The following KIF7 variants were observed in gnomAD, a reference collection of about 807,000 sequenced individuals.
KIF7 encodes kinesin family member 7.
Under a neutral mutation model 135.7 loss-of-function variants are expected in KIF7, and 104 were observed. That is an observed-to-expected ratio of 0.77 (90% CI 0.65 to 0.90). KIF7 has a LOEUF of 0.90. Among genes scored for constraint, KIF7 ranks in the 40% least tolerant of loss-of-function variants. The pLI is 0.00. For missense variants in KIF7, 2,005 were observed against 1,839.1 expected (o/e 1.09, Z -1.65); for synonymous variants, 883 against 809.4 (o/e 1.09, Z -1.54).
downstream of KIF7, chr15:89,625,729 C>T: frequency 1.9e-6 from 3 of 1,613,174 alleles, no homozygotes; most frequent in South Asian, 2.2e-5. Context: ...AGAGGGGTCT[C>T]CAAGTTGGAG....
intron 11 of KIF7, among the ~76,000 whole-genome samples, chr15:89,641,309 C>CT (rs1281100908): frequency 1.3e-5 from 2 of 152,150 alleles, no homozygotes; most frequent in Non-Finnish European, 2.9e-5. Flanking sequence ...GAAACCAGAC[C>CT]TGTAGACACC....
At chr15:89,661,724 CTTT>C in the KIF7 span, among the ~76,000 whole-genome samples, 2 of 145,954 alleles carry the variant, frequency 1.4e-5, no homozygotes, top group East Asian at 4.0e-4. Context: ...TTGTAACTAA[CTTT>C]TTTTTTTTTT....
chr15:89,647,768 C>G, intron 5 of KIF7, 56 bp from the exon 6 acceptor site: 1 of 1,302,756 alleles, frequency 7.7e-7, no homozygotes, highest in Non-Finnish European at 1.1e-6. Context: ...GAGCTGGACA[C>G]CCGGCCTCTT....
rs1017678249 is a variant in KIF7 at position 89,647,167 on chromosome 15, G to A, written c.1561-110C>T. On this transcript the variant is annotated intron_variant, in intron 6 of 18. Transcript: ENST00000394412. Reference sequence around the variant, plus strand: ...ACTCCACCGTCTCTGGGCTGAAAATGAGGAGTGTCAAATACTCCTCTCCTC... The same window carrying A: ...ACTCCACCGTCTCTGGGCTGAAAATAAGGAGTGTCAAATACTCCTCTCCTC... 1.1e-5 allele frequency: 11 copies of A among 956,632 alleles called. No individual in the cohort carries two copies. The African/African-American group carries it at 1.8e-4, about 15-fold the overall frequency. 59.3% of individuals were successfully genotyped at this position (956,632 alleles called of 1,614,324 possible).
chr15:89,649,841 CACATGT>C lies in KIF7; in HGVS notation c.423_428del (p.His142_Val143del), dbSNP rs1555425036. 6.4e-7 allele frequency: 1 copy of C among 1,551,814 alleles called. No homozygotes were observed. The highest frequency in any genetic ancestry group is 8.7e-7 in the Non-Finnish European group (1 of 1,147,010). ...CCTCCTTGTACACTTCCAGGTAGGA[CACATGT>C]ACCAGACAGTCAAGCAGGTCGTTCT... On this transcript the variant is annotated inframe_deletion, in exon 3 of 19. Coordinates refer to ENST00000394412, the MANE Select transcript of KIF7 (RefSeq NM_198525.3).
At chr15:89,635,024 C>A (rs1471726003) in intron 11 of KIF7, among the ~76,000 whole-genome samples, 2 of 152,212 alleles carry the variant, frequency 1.3e-5, no homozygotes, top group African/African-American at 2.4e-5. Flanking sequence ...TGACCCCTGA[C>A]CTCCGAGCAG....
chr15:89,620,628 C>A (rs1963407962), intron 1 of KIF7, among the ~76,000 whole-genome samples: 1 of 144,696 alleles, frequency 6.9e-6, no homozygotes. Flanking sequence ...GTTGTAGTTG[C>A]TGACATAAAT....
chr15:89,621,522 T>G, intron 1 of KIF7: 1 of 1,613,648 alleles, frequency 6.2e-7, no homozygotes, highest in Non-Finnish European at 8.5e-7. Context: ...AGAAACACTT[T>G]GGATTCGGAG....
chr15:89,642,134 G>C lies in KIF7; in HGVS notation c.2394+69C>G, dbSNP rs1030331026. ...TTGGGCCTCAGAGCCCACATGTCCTGGTCCCAAGGATGGCAGCCTAGGAGG... is the reference window on the plus strand; with the variant it reads ...TTGGGCCTCAGAGCCCACATGTCCTCGTCCCAAGGATGGCAGCCTAGGAGG... On this transcript the variant is annotated intron_variant, in intron 11 of 18. Transcript: ENST00000394412. 22 of 1,509,008 alleles carry C rather than the reference G, an allele frequency of 1.5e-5. No homozygotes were observed. In the African/African-American group the frequency reaches 2.7e-4, roughly 19 times the overall value. 93.5% of individuals were successfully genotyped at this position (1,509,008 alleles called of 1,614,324 possible).
At chr15:89,621,562 C>T (rs1963426116) in intron 1 of KIF7, 2 of 1,600,988 alleles carry the variant, frequency 1.2e-6, no homozygotes, top group East Asian at 4.5e-5. Flanking sequence ...TATAATGTTT[C>T]TGTAATGTTT....
At chr15:89,632,744 C>G in intron 14 of KIF7, 76 bp downstream of exon 14, 4 of 1,503,474 alleles carry the variant, frequency 2.7e-6, no homozygotes, top group Non-Finnish European at 3.6e-6. Context: ...CAGGAGCTCA[C>G]CTGGCAAGAT....
rs144168106 is a variant in KIF7 at position 89,622,326 on chromosome 15, T to G, written c.181-4131A>C. 7.9e-3 allele frequency among the ~76,000 whole-genome samples: 1,208 copies of G among 152,178 alleles called. 17 individuals are homozygous for G. The highest frequency in any genetic ancestry group is 0.028 in the African/African-American group (1,147 of 41,512). ...GTACCCACCCCCTCTTCTCCCCTAC[T>G]GCAATTCCTACCCTAGTTCAGGTCT... is the stretch of plus-strand genomic sequence containing the variant. On this transcript the variant is annotated intron_variant and NMD_transcript_variant, in intron 1 of 2. Coordinates refer to the KIF7 transcript ENST00000558928.
upstream of KIF7, among the ~76,000 whole-genome samples, chr15:89,658,822 C>G (rs1596034827): frequency 1.3e-5 from 2 of 151,794 alleles, no homozygotes; most frequent in Admixed American, 1.3e-4. Flanking sequence ...TGTGATGGCG[C>G]CACTGCACTC....
chr15:89,657,328 A>AG (rs1555425512), upstream of KIF7, among the ~76,000 whole-genome samples: 22 of 127,960 alleles, frequency 1.7e-4, no homozygotes, highest in East Asian at 4.2e-4. Flanking sequence ...AAAAAAAAAA[A>AG]AGAGAGAGAG....
At chr15:89,629,192 TG>T in intron 17 of KIF7, 70 bp from the exon 18 acceptor site, 2 of 50,746 alleles carry the variant, frequency 3.9e-5, no homozygotes, top group Non-Finnish European at 7.9e-5. Flanking sequence ...GCTGTGGGGG[TG>T]GGGGCTGTGG....
At chr15:89,646,212 C>T (rs1011127318) in intron 7 of KIF7, among the ~76,000 whole-genome samples, 186 bp from the exon 8 acceptor site, 1 of 152,136 alleles carries the variant, frequency 6.6e-6, no homozygotes, top group African/African-American at 2.4e-5. Flanking sequence ...CCTCCCCTCC[C>T]GCCTGCTTTG....
At position 89,628,368 on chromosome 15, in the gene KIF7, C is replaced by T. The variant is rs567444998; in HGVS notation, c.*51G>A. On this transcript the variant is annotated 3_prime_UTR_variant, in exon 19 of 19. Coordinates refer to ENST00000394412, the MANE Select transcript of KIF7 (RefSeq NM_198525.3). ...CACAGAAGCAAAACAGGCAGCTGCC[C>T]CTTTCAGCAGGCTCGGAGTCTCCCT... The T allele has an allele frequency of 9.0e-6, 14 of 1,551,648 alleles. No individual in the cohort carries two copies. The East Asian group carries it at 1.4e-4, about 15-fold the overall frequency.
chr15:89,621,338 T>TG lies in KIF7; in HGVS notation c.181-3144dup, dbSNP rs1222548492. Reference sequence around the variant, plus strand: ...GCGTGGCTGGCTGTTTTAATAGTATTGGAAGAACAGGAATTGAGAAAGAAT... The same window carrying TG: ...GCGTGGCTGGCTGTTTTAATAGTATTGGGAAGAACAGGAATTGAGAAAGAAT... On this transcript the variant is annotated intron_variant and NMD_transcript_variant, in intron 1 of 2. Transcript: ENST00000558928. 1.9e-5 allele frequency: 30 copies of TG among 1,555,798 alleles called. No individual in the cohort carries two copies. In the African/African-American group the frequency reaches 2.7e-4, roughly 14 times the overall value.
At chr15:89,626,980 C>CCACTGTA (rs1567054886), downstream of KIF7, 1 of 1,614,124 alleles carries the variant, frequency 6.2e-7, no homozygotes, top group Non-Finnish European at 8.5e-7. Flanking sequence ...GTTCTTCCCT[C>CCACTGTA]CACTGTAGAA....
Sources: gnomAD v4.1 joint callset for allele counts (sites outside exome capture counted in the v4.1 genomes callset) on GRCh38, gnomAD v4.1.1 for gene constraint, MANE v1.5 for transcripts, NCBI Gene and HGNC (gene_info 2026-07-23, HGNC 2026-07-21) for gene names.